OR1J2: variants seen among roughly 807,000 people sequenced by gnomAD.
OR1J2 encodes the protein olfactory receptor family 1 subfamily J member 2, also known as olfactory receptor 1J2.
For missense variants in OR1J2, 304 were observed against 246.1 expected, an observed-to-expected ratio of 1.24 and a Z score of -1.57; for synonymous variants, 142 against 99.7, an observed-to-expected ratio of 1.42 and a Z score of -2.52.
the OR1J2 span, among the ~76,000 whole-genome samples, chr9:122,525,014 A>G: frequency 1.3e-5 from 2 of 152,294 alleles, no homozygotes; most frequent in East Asian, 3.9e-4. Flanking sequence ...CAGTGGAGCG[A>G]TAGATGTCAA....
At chr9:122,464,236 A>G in the OR1J2 span, among the ~76,000 whole-genome samples, 1,551 of 152,292 alleles carry the variant, frequency 0.01, 8 homozygotes, top group Middle Eastern at 0.054. Flanking sequence ...GCCGGCAGTC[A>G]CAGGTCTCAC....
chr9:122,511,265 G>C lies in OR1J2; in HGVS notation c.464G>C (p.Ser155Thr), dbSNP rs147470130. The change falls in exon 1 of 1, where the codon AGC becomes ACC. Residue 155 changes from serine to threonine, a missense_variant. Physicochemically the swap from Ser to Thr is moderately conservative, Grantham distance 58 (BLOSUM62 1). Coordinates refer to ENST00000335302, the MANE Select transcript of OR1J2 (RefSeq NM_054107.1). Reference sequence around the variant, plus strand: ...GTATCTTGGATTCTGTCTTGTGCCAGCTCCCTCTCTCACACCCTTCTCCTG... The same window carrying C: ...GTATCTTGGATTCTGTCTTGTGCCACCTCCCTCTCTCACACCCTTCTCCTG... Reference protein sequence around the residue: ...VAVSWILSCASSLSHTLLLTR... With the variant: ...VAVSWILSCATSLSHTLLLTR... 1.2e-5 allele frequency: 9 copies of C among 753,680 alleles called. No individual in the cohort carries two copies. Among genetic ancestry groups the C allele is most frequent in the Admixed American group, 1.8e-5 (1 of 54,840 alleles). The allele number at this position is 753,680 out of a possible 1,614,324, so 46.7% of individuals were successfully genotyped here.
chr9:122,467,616 A>G, the OR1J2 span, among the ~76,000 whole-genome samples: 1 of 152,230 alleles, frequency 6.6e-6, no homozygotes, highest in Non-Finnish European at 1.5e-5. Context: ...AGATTAACCT[A>G]TTAAAACCCT....
the OR1J2 span, among the ~76,000 whole-genome samples, chr9:122,490,310 C>A: frequency 1.3e-5 from 2 of 152,114 alleles, no homozygotes; most frequent in Non-Finnish European, 2.9e-5. Flanking sequence ...TCTCCCCATC[C>A]AATGTGGGGT....
the OR1J2 span, among the ~76,000 whole-genome samples, chr9:122,527,505 G>C: frequency 6.6e-6 from 1 of 151,974 alleles, no homozygotes; most frequent in African/African-American, 2.4e-5. Flanking sequence ...TTTACACATA[G>C]AGTCCCCTTC....
chr9:122,552,749 A>AGTGTGTGTGTGTGTGTGT, the OR1J2 span, among the ~76,000 whole-genome samples: 211 of 129,738 alleles, frequency 1.6e-3, 2 homozygotes, highest in South Asian at 3.7e-3. Flanking sequence ...AGAGGGCTTG[A>AGTGTGTGTGTGTGTGTGT]GTGTGTGTGT....
the OR1J2 span, among the ~76,000 whole-genome samples, chr9:122,452,268 A>G: frequency 6.6e-6 from 1 of 152,158 alleles, no homozygotes; most frequent in African/African-American, 2.4e-5. Context: ...GAGCCGGTTA[A>G]GGATCAACTT....
At position 122,510,889 on chromosome 9, in the gene OR1J2, C is replaced by T. The variant is rs757234772; in HGVS notation, c.88C>T (p.Leu30=). ...RPEQQAVFFT[L]FLGMYLTTVL... ...AGAGCAGCAGGCTGTGTTCTTCACC[C>T]TGTTCCTGGGCATGTACCTGACCAC... is the stretch of plus-strand genomic sequence containing the variant. The change falls in exon 1 of 1, where the codon CTG becomes TTG. Residue 30 remains leucine, a synonymous_variant. Coordinates refer to ENST00000335302, the MANE Select transcript of OR1J2 (RefSeq NM_054107.1). 1 of 1,611,478 alleles carries T rather than the reference C, an allele frequency of 6.2e-7. No individual in the cohort carries two copies. Among genetic ancestry groups the T allele is most frequent in the Admixed American group, 1.7e-5 (1 of 60,014 alleles).
At chr9:122,451,614 ACTT>A in the OR1J2 span, among the ~76,000 whole-genome samples, 1 of 152,318 alleles carries the variant, frequency 6.6e-6, no homozygotes, top group East Asian at 1.9e-4. Context: ...TTTTAGTTTG[ACTT>A]CTCAAAATAC....
the OR1J2 span, among the ~76,000 whole-genome samples, chr9:122,561,738 G>A: frequency 2.0e-5 from 3 of 152,102 alleles, no homozygotes; most frequent in Admixed American, 6.5e-5. Flanking sequence ...GACCTTGAGG[G>A]GCACCGACCT....
At chr9:122,517,063 T>C in the OR1J2 span, among the ~76,000 whole-genome samples, 1 of 152,198 alleles carries the variant, frequency 6.6e-6, no homozygotes, top group South Asian at 2.1e-4. Context: ...TGTTTTCTTA[T>C]TAATATTCAC....
chr9:122,477,799 A>G, the OR1J2 span: 2 of 1,613,994 alleles, frequency 1.2e-6, no homozygotes, highest in Admixed American at 1.7e-5. Flanking sequence ...CATGATGAGC[A>G]GGTTCCCCAG....
the OR1J2 span, among the ~76,000 whole-genome samples, chr9:122,521,040 A>G: frequency 6.6e-6 from 1 of 152,224 alleles, no homozygotes. Flanking sequence ...ATCTCTATAT[A>G]CCAGGGTGGT....
the OR1J2 span, among the ~76,000 whole-genome samples, chr9:122,447,799 G>C: frequency 6.6e-6 from 1 of 151,758 alleles, no homozygotes; most frequent in African/African-American, 2.4e-5. Context: ...AAAACAATAG[G>C]GTTGTTTAGA....
the OR1J2 span, among the ~76,000 whole-genome samples, chr9:122,488,099 A>G: frequency 6.6e-6 from 1 of 152,168 alleles, no homozygotes; most frequent in Non-Finnish European, 1.5e-5. Flanking sequence ...AGTGAGCTCT[A>G]TATTTTAAAT....
At chr9:122,553,346 C>T in the OR1J2 span, 4 of 1,613,956 alleles carry the variant, frequency 2.5e-6, no homozygotes, top group Non-Finnish European at 1.7e-6. Context: ...TGGTGGGGAA[C>T]CTGCTCATTA....
At chr9:122,579,048 T>TAGAAAGTCATTAAAA in the OR1J2 span, among the ~76,000 whole-genome samples, 2 of 150,396 alleles carry the variant, frequency 1.3e-5, no homozygotes, top group African/African-American at 4.9e-5. Flanking sequence ...TAAAAAAAAA[T>TAGAAAGTCATTAAAA]AGAAAGTCAT....
the OR1J2 span, among the ~76,000 whole-genome samples, chr9:122,554,945 G>A: frequency 6.6e-6 from 1 of 152,134 alleles, no homozygotes; most frequent in South Asian, 2.1e-4. Context: ...AAGCATGCTG[G>A]AAATTTTTAG....
the OR1J2 span, among the ~76,000 whole-genome samples, chr9:122,455,096 A>G: frequency 6.6e-6 from 1 of 152,200 alleles, no homozygotes; most frequent in Non-Finnish European, 1.5e-5. Flanking sequence ...TGAAGATGCC[A>G]CATTTTGTTT....
Sources: allele counts gnomAD v4.1 joint callset (sites outside exome capture counted in the v4.1 genomes callset), GRCh38; gene constraint gnomAD v4.1.1; transcripts MANE v1.5; gene names NCBI Gene and HGNC (gene_info 2026-07-23, HGNC 2026-07-21).